ADCY5: variants seen among roughly 807,000 people sequenced by gnomAD.
ADCY5 encodes adenylate cyclase 5, also known as adenylate cyclase type 5.
A neutral mutation model predicts 119.7 loss-of-function variants in ADCY5; 30 were observed. The ratio of observed to expected loss-of-function variants is 0.25; its 90% CI spans 0.19 to 0.34. ADCY5 has a LOEUF of 0.34. Ranked by LOEUF, ADCY5 falls within the 10% of genes least tolerant of loss-of-function variation. The pLI is 1.00. For missense variants in ADCY5, 1,324 were observed against 1,775.2 expected (o/e 0.75, Z 4.57); for synonymous variants, 753 against 762.2 (o/e 0.99, Z 0.20).
intron 12 of ADCY5, among the ~76,000 whole-genome samples, chr3:123,307,165 T>C (rs1215824097): frequency 6.6e-6 from 1 of 152,186 alleles, no homozygotes; most frequent in African/African-American, 2.4e-5. Flanking sequence ...GCACCAATAG[T>C]TGAATAACTT....
rs1688257809 is a variant in ADCY5 at position 123,283,772 on chromosome 3, G to A, written c.*836C>T. 1 of 151,210 alleles carries A rather than the reference G, an allele frequency of 6.6e-6. No homozygotes were observed. Among genetic ancestry groups the A allele is most frequent in the Admixed American group, 6.6e-5 (1 of 15,254 alleles). The allele number at this position is 151,210 out of a possible 1,614,324, so 9.4% of individuals were successfully genotyped here. A position where few individuals can be genotyped will look rare whatever the true frequency, so the allele number is the denominator to read the frequency against. ...TAATATAGAGAATTTACAAAATATA[G>A]AATTTGGCATATCTATCTGTGAGAT... is the stretch of plus-strand genomic sequence containing the variant. On this transcript the variant is annotated 3_prime_UTR_variant, in exon 21 of 21. Transcript: ENST00000462833.
chr3:123,429,036 A>G (rs751123638), intron 1 of ADCY5, among the ~76,000 whole-genome samples: 2 of 152,224 alleles, frequency 1.3e-5, no homozygotes, highest in African/African-American at 2.4e-5. Flanking sequence ...TAAAAAGACA[A>G]TAGCCACCTA....
At chr3:123,324,597 C>T (rs974870971) in intron 8 of ADCY5, among the ~76,000 whole-genome samples, 16 of 152,182 alleles carry the variant, frequency 1.1e-4, no homozygotes, top group Non-Finnish European at 2.1e-4. Context: ...AGAGGAAACA[C>T]CACTGCAGTA....
intron 7 of ADCY5, among the ~76,000 whole-genome samples, 196 bp downstream of exon 7, chr3:123,327,422 C>T (rs562111233): frequency 3.3e-5 from 5 of 152,324 alleles, no homozygotes; most frequent in Admixed American, 6.5e-5. Flanking sequence ...GCAAAAGAAG[C>T]ACTATTAAAA....
chr3:123,377,040 C>T (rs753956363), intron 1 of ADCY5, among the ~76,000 whole-genome samples: 7 of 152,148 alleles, frequency 4.6e-5, no homozygotes, highest in Non-Finnish European at 8.8e-5. Context: ...TAAAATTGCA[C>T]GCGTGTTCTC....
intron 1 of ADCY5, chr3:123,368,159 A>C: frequency 1.2e-6 from 1 of 829,002 alleles, no homozygotes; most frequent in Non-Finnish European, 1.8e-6. Flanking sequence ...AGGAATCTGA[A>C]TGCGCTCATC....
chr3:123,320,898 T>C lies in ADCY5; in HGVS notation c.2089-127A>G, dbSNP rs1387043836. On this transcript the variant is annotated intron_variant, in intron 8 of 20. Coordinates refer to ENST00000462833, the MANE Select transcript of ADCY5 (RefSeq NM_183357.3). ...CAAAGGACGTGGACATAGAGAGGATTGTCATTCAGCAGCTCCTTTCCTTCC... is the reference window on the plus strand; with the variant it reads ...CAAAGGACGTGGACATAGAGAGGATCGTCATTCAGCAGCTCCTTTCCTTCC... 2.1e-5 allele frequency: 15 copies of C among 706,018 alleles called. No individual in the cohort carries two copies. The Admixed American group carries it at 3.5e-4, about 16-fold the overall frequency. 43.7% of individuals were successfully genotyped at this position (706,018 alleles called of 1,614,324 possible).
intron 11 of ADCY5, among the ~76,000 whole-genome samples, chr3:123,315,492 G>T (rs1022636006): frequency 6.6e-6 from 1 of 152,174 alleles, no homozygotes; most frequent in Non-Finnish European, 1.5e-5. Context: ...CCCCCAAGCC[G>T]CTGCAGAGAA....
In ADCY5 at chr3:123,447,581, G is replaced by C; in HGVS notation, c.965C>G (p.Pro322Arg). 2 of 1,608,054 alleles carry C rather than the reference G, an allele frequency of 1.2e-6. No individual in the cohort carries two copies. The highest frequency in any genetic ancestry group is 1.7e-6 in the Non-Finnish European group (2 of 1,179,340). ...VQVVGLLLPQ[P>R]RSASEGIWWT... ...CCAGATGCCCTCAGAGGCGCTGCGTGGCTGCGGCAGCAGCAGGCCCACCAC... is the reference window on the plus strand; with the variant it reads ...CCAGATGCCCTCAGAGGCGCTGCGTCGCTGCGGCAGCAGCAGGCCCACCAC... The change falls in exon 1 of 21, where the codon CCA becomes CGA. Residue 322 changes from proline (P) to arginine (R), a missense_variant. Coordinates refer to ENST00000462833, the MANE Select transcript of ADCY5 (RefSeq NM_183357.3).
In ADCY5 at chr3:123,295,126, TCAG is replaced by T. The variant is rs529983798; in HGVS notation, c.3063+955_3063+957del. On this transcript the variant is annotated intron_variant, in intron 17 of 20. Transcript: ENST00000462833. ...TCCAGCCAGAACCCATGCAAAATAC[TCAG>T]CAGAAGGGACAACCATTTGCCCCCA... 3.1e-3 allele frequency among the ~76,000 whole-genome samples: 470 copies of T among 152,332 alleles called. 4 individuals are homozygous for T. The highest frequency in any genetic ancestry group is 0.011 in the African/African-American group (441 of 41,576).
At chr3:123,339,056 A>G (rs1381003416) in intron 3 of ADCY5, among the ~76,000 whole-genome samples, 1 of 152,072 alleles carries the variant, frequency 6.6e-6, no homozygotes, top group African/African-American at 2.4e-5. Context: ...TGAGTGGTGG[A>G]TGGTGGGAAG....
At chr3:123,309,383 C>G (rs1199907624) in intron 12 of ADCY5, among the ~76,000 whole-genome samples, 2 of 152,248 alleles carry the variant, frequency 1.3e-5, no homozygotes, top group African/African-American at 2.4e-5. Flanking sequence ...GCTCTCATCA[C>G]TTGGCCTTTC....
At chr3:123,408,534 T>C (rs536126904) in intron 1 of ADCY5, among the ~76,000 whole-genome samples, 8 of 151,762 alleles carry the variant, frequency 5.3e-5, no homozygotes, top group African/African-American at 1.7e-4. Flanking sequence ...CATGCGCCTG[T>C]AGTCCCAGCT....
intron 17 of ADCY5, among the ~76,000 whole-genome samples, chr3:123,294,365 C>G (rs940677448): frequency 2.0e-5 from 3 of 152,218 alleles, no homozygotes; most frequent in Non-Finnish European, 4.4e-5. Context: ...ATCAGACTCT[C>G]TTTCCATAAA....
Position 123,376,942 on chromosome 3 carries a change from G to A in ADCY5, c.1135-24361C>T, listed in dbSNP as rs934838685. ...CCCCTGGGGGAAGCTGCATCCTCTG[G>A]TGTTTGGAGTGCTTTTTCTCTGTGC... On this transcript the variant is annotated intron_variant, in intron 1 of 20. Coordinates refer to ENST00000462833, the MANE Select transcript of ADCY5 (RefSeq NM_183357.3). Among the ~76,000 whole-genome samples, 4 of 152,174 alleles carry A rather than the reference G, an allele frequency of 2.6e-5. No homozygotes were observed. The East Asian group carries it at 7.7e-4, about 29-fold the overall frequency.
intron 1 of ADCY5, among the ~76,000 whole-genome samples, chr3:123,393,376 A>G (rs781713669): frequency 6.6e-6 from 1 of 151,504 alleles, no homozygotes; most frequent in African/African-American, 2.4e-5. Context: ...ACAGAGCAAG[A>G]CTCTGATTCC....
chr3:123,415,763 G>A (rs576646955), intron 1 of ADCY5, among the ~76,000 whole-genome samples: 15 of 152,150 alleles, frequency 9.9e-5, no homozygotes, highest in African/African-American at 2.2e-4. Context: ...CTTGGAGGTC[G>A]TTCACAGTGA....
rs1017609005 is a variant in ADCY5, at chr3:123,318,031, G to T, written c.2343C>A (p.Thr781=). ...ACGGGGATACTCACTGGGGCACGAT[G>T]GTGATCTGGACAAAGCAGATGAAGA... ...VFLFICFVQI[T]IVPHSIFMLS... Residue 781 remains threonine, a synonymous_variant, in exon 11 of 21, where the codon ACC becomes ACA. Coordinates refer to ENST00000462833, the MANE Select transcript of ADCY5 (RefSeq NM_183357.3). 1 of 1,613,648 alleles carries T rather than the reference G, an allele frequency of 6.2e-7. No homozygotes were observed. Among genetic ancestry groups the T allele is most frequent in the Admixed American group, 1.7e-5 (1 of 60,020 alleles).
chr3:123,383,990 A>C (rs1254394781), intron 1 of ADCY5, among the ~76,000 whole-genome samples: 7 of 150,894 alleles, frequency 4.6e-5, no homozygotes, highest in South Asian at 4.2e-4. Flanking sequence ...ACAAACACAC[A>C]CCCACCCTTC....
Sources: allele counts gnomAD v4.1 joint callset (sites outside exome capture counted in the v4.1 genomes callset), GRCh38; gene constraint gnomAD v4.1.1; transcripts MANE v1.5; gene names NCBI Gene and HGNC (gene_info 2026-07-23, HGNC 2026-07-21).